Variants in OSBPL11 observed in about 807,000 individuals in gnomAD.
OSBPL11 encodes oxysterol binding protein like 11.
Under a neutral mutation model 84.4 loss-of-function variants are expected in OSBPL11, and 33 were observed. The ratio of observed to expected loss-of-function variants is 0.39; its 90% CI spans 0.30 to 0.52. The LOEUF is 0.52. OSBPL11 is among the 20% of genes least tolerant of loss of function. The pLI, the probability that OSBPL11 is intolerant of heterozygous loss-of-function variation, is 0.72. For missense variants in OSBPL11, 736 were observed against 901.1 expected (o/e 0.82, Z 2.35); for synonymous variants, 276 against 310.2 (o/e 0.89, Z 1.16).
At chr3:125,562,359 ATACT>A (rs1936091227) in intron 7 of OSBPL11, among the ~76,000 whole-genome samples, 1 of 152,170 alleles carries the variant, frequency 6.6e-6, no homozygotes, top group Non-Finnish European at 1.5e-5. Flanking sequence ...AGCTTAATAA[ATACT>A]TACTAACTGC....
At chr3:125,557,796 T>C (rs1412090955) in intron 8 of OSBPL11, among the ~76,000 whole-genome samples, 4 of 140,296 alleles carry the variant, frequency 2.9e-5, no homozygotes, top group East Asian at 2.0e-4. Flanking sequence ...ACTTTCTTTT[T>C]TTTTTTTTTT....
rs1936180669 is a variant in OSBPL11, at chr3:125,567,658, T to C, written c.667-63A>G. On this transcript the variant is annotated intron_variant, in intron 5 of 12. Coordinates refer to ENST00000296220, the MANE Select transcript of OSBPL11 (RefSeq NM_022776.5). Reference sequence around the variant, plus strand: ...TTCTGTAAAACATGTATACATACAGTTGCCATTTTAATTACCAGATTCAGC... The same window carrying C: ...TTCTGTAAAACATGTATACATACAGCTGCCATTTTAATTACCAGATTCAGC... The C allele has an allele frequency of 3.7e-6, 5 of 1,368,330 alleles. No individual in the cohort carries two copies. In the South Asian group the frequency reaches 4.9e-5, roughly 14 times the overall value. The allele number at this position is 1,368,330 out of a possible 1,614,324, so 84.8% of individuals were successfully genotyped here. A position where few individuals can be genotyped will look rare whatever the true frequency, so the allele number is the denominator to read the frequency against.
Position 125,594,827 on chromosome 3 carries a change from C to T in OSBPL11, c.-27G>A. On this transcript the variant is annotated 5_prime_UTR_variant, in exon 1 of 13. Coordinates refer to ENST00000296220, the MANE Select transcript of OSBPL11 (RefSeq NM_022776.5). The stretch of plus-strand genomic sequence containing the variant: ...TTAACGCCAAAGTCCACTTGCCCTT[C>T]TTGAGCGGGAGAGAACAATTCTGTA... 6.2e-7 allele frequency: 1 copy of T among 1,609,130 alleles called. No individual in the cohort carries two copies. The highest frequency in any genetic ancestry group is 1.1e-5 in the South Asian group (1 of 90,738).
chr3:125,593,695 T>C (rs1441964032), intron 1 of OSBPL11, among the ~76,000 whole-genome samples: 3 of 152,204 alleles, frequency 2.0e-5, no homozygotes, highest in Non-Finnish European at 4.4e-5. Context: ...TTCATACATA[T>C]GAATATTATT....
intron 6 of OSBPL11, among the ~76,000 whole-genome samples, chr3:125,566,625 C>T (rs1296947941): frequency 6.6e-6 from 1 of 152,084 alleles, no homozygotes; most frequent in African/African-American, 2.4e-5. Context: ...AAGTTACTAT[C>T]ATCACTAGCA....
At chr3:125,540,216 C>T (rs1935708663) in intron 10 of OSBPL11, among the ~76,000 whole-genome samples, 1 of 151,084 alleles carries the variant, frequency 6.6e-6, no homozygotes, top group African/African-American at 2.4e-5. Context: ...GTAGTCTCAG[C>T]TACTCAGGAG....
At chr3:125,568,275 C>T (rs2107603258) in intron 5 of OSBPL11, among the ~76,000 whole-genome samples, 1 of 150,806 alleles carries the variant, frequency 6.6e-6, no homozygotes, top group South Asian at 2.1e-4. Flanking sequence ...ACTAAAAATA[C>T]AAAAAATTAG....
intron 6 of OSBPL11, among the ~76,000 whole-genome samples, chr3:125,566,005 GTTA>G (rs747817802): frequency 2.1e-4 from 32 of 151,960 alleles, no homozygotes; most frequent in Non-Finnish European, 3.8e-4. Flanking sequence ...CACCCTACAC[GTTA>G]TTATTATTAT....
At position 125,567,525 on chromosome 3, in the gene OSBPL11, T is replaced by C. The variant is rs759242913; in HGVS notation, c.737A>G (p.His246Arg). 40 of 1,614,064 alleles carry C rather than the reference T, an allele frequency of 2.5e-5. 1 individual carries two copies. The South Asian group carries it at 4.0e-4, about 16-fold the overall frequency. ...GAGATCCTGGTCCAAGGAACTAAGA[T>C]GGCCAGAAGTAGGAAGGCATTCAAT... ...RRIECLPTSG[H>R]LSSLDQDLLM... Residue 246 changes from histidine to arginine, a missense_variant, in exon 6 of 13, where the codon CAT (histidine) becomes CGT (arginine). Coordinates refer to ENST00000296220, the MANE Select transcript of OSBPL11 (RefSeq NM_022776.5).
At chr3:125,553,628 C>T (rs1245055639) in intron 8 of OSBPL11, among the ~76,000 whole-genome samples, 2 of 152,016 alleles carry the variant, frequency 1.3e-5, no homozygotes, top group Non-Finnish European at 2.9e-5. Flanking sequence ...AGAATCTAGC[C>T]TTAGGAAATA....
chr3:125,539,081 C>A (rs1935683805), intron 10 of OSBPL11, among the ~76,000 whole-genome samples: 1 of 151,264 alleles, frequency 6.6e-6, no homozygotes. Flanking sequence ...TACATCAATC[C>A]CGTACTAAAC....
intron 10 of OSBPL11, among the ~76,000 whole-genome samples, chr3:125,544,578 T>C (rs1935783338): frequency 6.6e-6 from 1 of 152,198 alleles, no homozygotes; most frequent in Admixed American, 6.5e-5. Flanking sequence ...GGATCCTTTA[T>C]GACTGAGGCA....
chr3:125,569,017 G>A (rs1231284322), intron 5 of OSBPL11, among the ~76,000 whole-genome samples: 3 of 151,860 alleles, frequency 2.0e-5, no homozygotes, highest in African/African-American at 4.8e-5. Flanking sequence ...GTGCAATCAC[G>A]GCTCACTGTA....
intron 8 of OSBPL11, among the ~76,000 whole-genome samples, chr3:125,557,982 C>G (rs1234399597): frequency 7.2e-5 from 11 of 151,728 alleles, no homozygotes; most frequent in Non-Finnish European, 2.9e-5. Context: ...TTGGTACAGA[C>G]AGGGTTTCGC....
At chr3:125,577,717 T>C (rs1580059605) in intron 4 of OSBPL11, among the ~76,000 whole-genome samples, 1 of 152,002 alleles carries the variant, frequency 6.6e-6, no homozygotes, top group Admixed American at 6.6e-5. Flanking sequence ...TAGTCCTAGC[T>C]ACTTGGGAGG....
At chr3:125,591,996 T>C (rs1406280115) in intron 1 of OSBPL11, among the ~76,000 whole-genome samples, 5 of 152,036 alleles carry the variant, frequency 3.3e-5, no homozygotes, top group Non-Finnish European at 7.4e-5. Flanking sequence ...AGAGAGACCT[T>C]GTCTCAAAAA....
At chr3:125,542,668 C>T (rs1395176575) in intron 10 of OSBPL11, among the ~76,000 whole-genome samples, 1 of 152,072 alleles carries the variant, frequency 6.6e-6, no homozygotes, top group Non-Finnish European at 1.5e-5. Flanking sequence ...GCTACTACAC[C>T]CGGTTAATTT....
chr3:125,594,923 C>T lies in OSBPL11; in HGVS notation c.-123G>A. Reference sequence around the variant, plus strand: ...TACCGGTTGCTAAATCACACGGCGGCTGGGGCGGGACTGTCAAATGGTCCA... The same window carrying T: ...TACCGGTTGCTAAATCACACGGCGGTTGGGGCGGGACTGTCAAATGGTCCA... On this transcript the variant is annotated 5_prime_UTR_variant, in exon 1 of 13. Transcript: ENST00000296220. The T allele has an allele frequency of 9.1e-7, 1 of 1,093,710 alleles. No homozygotes were observed. The highest frequency in any genetic ancestry group is 1.3e-6 in the Non-Finnish European group (1 of 773,402). 67.8% of individuals were successfully genotyped at this position (1,093,710 alleles called of 1,614,324 possible).
At chr3:125,561,938 T>G (rs1936085422) in intron 7 of OSBPL11, among the ~76,000 whole-genome samples, 1 of 152,256 alleles carries the variant, frequency 6.6e-6, no homozygotes, top group African/African-American at 2.4e-5. Flanking sequence ...TTGGTTCACA[T>G]GTCAGTGAAT....
Sources: gnomAD v4.1 joint callset for allele counts (sites outside exome capture counted in the v4.1 genomes callset) on GRCh38, gnomAD v4.1.1 for gene constraint, MANE v1.5 for transcripts, NCBI Gene and HGNC (gene_info 2026-07-23, HGNC 2026-07-21) for gene names.